Variants in ELMO1 observed in about 807,000 individuals in gnomAD.
The protein encoded by ELMO1 is engulfment and cell motility 1.
ELMO1 carries 26 observed loss-of-function variants against 98.9 expected under a neutral mutation model. The observed-to-expected ratio is 0.26, with a 90% CI of 0.19 to 0.36. The LOEUF (loss-of-function observed/expected upper bound fraction) is 0.36, where lower values mean the gene tolerates loss of function less well. Ranked by LOEUF, ELMO1 falls within the 10% of genes least tolerant of loss-of-function variation. ELMO1 has a pLI of 1.00. For missense variants in ELMO1, 627 were observed against 935.2 expected, an observed-to-expected ratio of 0.67 and a Z score of 4.30; for synonymous variants, 346 against 346.0, an observed-to-expected ratio of 1.00 and a Z score of 0.00.
Position 36,861,905 on chromosome 7 carries a change from A to C in ELMO1, c.1906-169T>G, listed in dbSNP as rs2129033901. ...CATGCTCTTCAAGGTTCACGGCATG[A>C]TTCCTTCTCTCCATTCACGGCGGTC... On this transcript the variant is annotated intron_variant, in intron 20 of 21. Transcript: ENST00000310758. 6.2e-6 allele frequency: 4 copies of C among 641,412 alleles called. No homozygotes were observed. The East Asian group carries it at 1.1e-4, about 17-fold the overall frequency. 39.7% of individuals were successfully genotyped at this position (641,412 alleles called of 1,614,324 possible).
chr7:37,386,643 A>T (rs1033609209), intron 1 of ELMO1, among the ~76,000 whole-genome samples: 1 of 151,922 alleles, frequency 6.6e-6, no homozygotes, highest in African/African-American at 2.4e-5. Flanking sequence ...GTAAGTAAAG[A>T]TTCAGGGTCC....
intron 16 of ELMO1, among the ~76,000 whole-genome samples, chr7:36,994,959 G>T (rs1792101996): frequency 1.3e-5 from 2 of 152,110 alleles, no homozygotes; most frequent in African/African-American, 4.8e-5. Context: ...GTTATAACAT[G>T]GAATGTCAAG....
intron 16 of ELMO1, among the ~76,000 whole-genome samples, chr7:36,997,178 A>G (rs1792282119): frequency 6.6e-6 from 1 of 152,230 alleles, no homozygotes; most frequent in South Asian, 2.1e-4. Context: ...TGAAAGGCAC[A>G]GGGTGGCTAA....
chr7:37,140,836 C>T (rs747288965), intron 13 of ELMO1, among the ~76,000 whole-genome samples: 2 of 152,126 alleles, frequency 1.3e-5, no homozygotes, highest in African/African-American at 4.8e-5. Context: ...AATGCAATAC[C>T]ACCTGACTCC....
rs149586942 is a variant in ELMO1, at chr7:37,120,922, C to T, written c.1191+12208G>A. On this transcript the variant is annotated intron_variant, in intron 14 of 21. Coordinates refer to ENST00000310758, the MANE Select transcript of ELMO1 (RefSeq NM_014800.11). Reference sequence around the variant, plus strand: ...CACACAGCCGGGTACCCCTCTGAGACGAAACTTCTAGAGGAACATTCAGGC... The same window carrying T: ...CACACAGCCGGGTACCCCTCTGAGATGAAACTTCTAGAGGAACATTCAGGC... Among the ~76,000 whole-genome samples the T allele has an allele frequency of 6.8e-3, 1,036 of 152,260 alleles. 10 individuals are homozygous for T. The highest frequency in any genetic ancestry group is 0.023 in the African/African-American group (963 of 41,530).
intron 1 of ELMO1, among the ~76,000 whole-genome samples, chr7:37,432,337 T>C (rs1280807926): frequency 2.0e-5 from 3 of 152,162 alleles, no homozygotes; most frequent in Non-Finnish European, 4.4e-5. Context: ...AGGAGTTGTT[T>C]GGTTATTGTA....
intron 14 of ELMO1, among the ~76,000 whole-genome samples, chr7:37,119,059 G>C (rs760490992): frequency 6.6e-6 from 1 of 152,202 alleles, no homozygotes; most frequent in African/African-American, 2.4e-5. Context: ...TTCCTCGTCT[G>C]TAAAATGCAA....
chr7:37,337,834 A>G (rs1452235265), intron 2 of ELMO1, among the ~76,000 whole-genome samples: 1 of 152,192 alleles, frequency 6.6e-6, no homozygotes, highest in East Asian at 1.9e-4. Flanking sequence ...GGAACAGAAA[A>G]GCTGCTGCTC....
chr7:37,407,717 A>C (rs113005142), intron 1 of ELMO1, among the ~76,000 whole-genome samples: 5 of 152,304 alleles, frequency 3.3e-5, no homozygotes, highest in African/African-American at 1.2e-4. Context: ...GGACAGTAAA[A>C]TTCTTTTGTA....
At chr7:37,284,747 G>A (rs1280351362) in intron 4 of ELMO1, among the ~76,000 whole-genome samples, 1 of 149,928 alleles carries the variant, frequency 6.7e-6, no homozygotes, top group African/African-American at 2.5e-5. Context: ...AACATTTTAT[G>A]AAAGATGTTT....
At chr7:37,082,753 A>G (rs1388521449) in intron 15 of ELMO1, among the ~76,000 whole-genome samples, 2 of 152,066 alleles carry the variant, frequency 1.3e-5, no homozygotes, top group Non-Finnish European at 2.9e-5. Flanking sequence ...ACAAACAGAA[A>G]AGCCCATTTT....
intron 16 of ELMO1, among the ~76,000 whole-genome samples, chr7:36,969,668 C>T (rs1349572398): frequency 6.6e-6 from 1 of 152,020 alleles, no homozygotes; most frequent in Non-Finnish European, 1.5e-5. Context: ...TTTAAAAACA[C>T]ACTTGCTTAA....
intron 6 of ELMO1, among the ~76,000 whole-genome samples, chr7:37,253,720 TAAA>T (rs36042026): frequency 8.5e-6 from 1 of 117,878 alleles, no homozygotes; most frequent in Non-Finnish European, 1.9e-5. Flanking sequence ...GAACTTAAAG[TAAA>T]AAAAAAAAAA....
chr7:37,026,290 C>A (rs997533409), intron 15 of ELMO1, among the ~76,000 whole-genome samples: 6 of 152,152 alleles, frequency 3.9e-5, no homozygotes, highest in Non-Finnish European at 8.8e-5. Context: ...TCTTGCAGAG[C>A]CATGGTGTGA....
chr7:37,061,221 G>A (rs1437697526), intron 15 of ELMO1, among the ~76,000 whole-genome samples: 1 of 152,120 alleles, frequency 6.6e-6, no homozygotes, highest in East Asian at 1.9e-4. Flanking sequence ...AGATACAAGG[G>A]ATTTGAAAGG....
chr7:37,222,523 C>T, intron 10 of ELMO1, 92 bp downstream of exon 10: 1 of 1,241,304 alleles, frequency 8.1e-7, no homozygotes, highest in Non-Finnish European at 1.2e-6. Context: ...GCAGAGAGGC[C>T]CAATGAGTCC....
At chr7:37,217,856 C>T (rs1254650588) in intron 10 of ELMO1, 37 of 453,202 alleles carry the variant, frequency 8.2e-5, no homozygotes, top group South Asian at 2.8e-4. Context: ...TGTATTTGAA[C>T]GCCCCTGCTG....
At chr7:36,859,110 A>G (rs1802415321) in intron 21 of ELMO1, among the ~76,000 whole-genome samples, 1 of 152,204 alleles carries the variant, frequency 6.6e-6, no homozygotes, top group Non-Finnish European at 1.5e-5. Flanking sequence ...ACAGAGAGAG[A>G]GAAAGAGAAA....
chr7:37,116,467 C>A (rs570165592), intron 14 of ELMO1, among the ~76,000 whole-genome samples: 1 of 152,262 alleles, frequency 6.6e-6, no homozygotes, highest in East Asian at 1.9e-4. Flanking sequence ...AGAGAAACCA[C>A]AACAGTTACT....
Sources: gnomAD v4.1 joint callset for allele counts (sites outside exome capture counted in the v4.1 genomes callset) on GRCh38, gnomAD v4.1.1 for gene constraint, MANE v1.5 for transcripts, NCBI Gene and HGNC (gene_info 2026-07-23, HGNC 2026-07-21) for gene names.